ATP6V1H: variants seen among roughly 807,000 people sequenced by gnomAD.
The protein encoded by ATP6V1H is V-type proton ATPase subunit H.
A neutral mutation model predicts 71.7 loss-of-function variants in ATP6V1H; 39 were observed. The ratio of observed to expected loss-of-function variants is 0.54; its 90% CI spans 0.42 to 0.71. The LOEUF is 0.71. ATP6V1H is among the 30% of genes least tolerant of loss of function. ATP6V1H has a pLI of 0.00. For missense variants in ATP6V1H, 509 were observed against 594.9 expected, an observed-to-expected ratio of 0.86 and a Z score of 1.50; for synonymous variants, 192 against 199.3, an observed-to-expected ratio of 0.96 and a Z score of 0.31.
rs199750398 is a variant in ATP6V1H, at chr8:53,806,258, TA to T, written c.580-4363del. Reference sequence around the variant, plus strand: ...ATAATATCTCTACCACTGGGAAAAATAAAAAAAAACTGTCATGACACTGAAA... The same window carrying T: ...ATAATATCTCTACCACTGGGAAAAATAAAAAAAACTGTCATGACACTGAAA... On this transcript the variant is annotated intron_variant, in intron 7 of 13. Transcript: ENST00000359530. 3.0e-3 allele frequency among the ~76,000 whole-genome samples: 458 copies of T among 150,224 alleles called. 5 individuals are homozygous for T. The highest frequency in any genetic ancestry group is 0.014 in the Middle Eastern group (4 of 292).
intron 7 of ATP6V1H, among the ~76,000 whole-genome samples, chr8:53,810,846 A>G (rs59122208): frequency 0.056 from 8,578 of 152,268 alleles, 712 homozygotes; most frequent in African/African-American, 0.18. Context: ...AGATAACTGA[A>G]GTTTAAAGAG....
intron 13 of ATP6V1H, among the ~76,000 whole-genome samples, chr8:53,727,457 G>C (rs1322199912): frequency 1.3e-5 from 2 of 152,124 alleles, no homozygotes; most frequent in Admixed American, 6.5e-5. Flanking sequence ...CTCCTCTTCT[G>C]TCAGCCCATT....
At chr8:53,781,894 G>A (rs1461136650) in intron 9 of ATP6V1H, among the ~76,000 whole-genome samples, 1 of 151,402 alleles carries the variant, frequency 6.6e-6, no homozygotes, top group Non-Finnish European at 1.5e-5. Context: ...TGTTCCATTG[G>A]TTTATATCTC....
chr8:53,778,144 A>G (rs1292479675), intron 9 of ATP6V1H, among the ~76,000 whole-genome samples: 3 of 152,174 alleles, frequency 2.0e-5, no homozygotes, highest in Non-Finnish European at 4.4e-5. Flanking sequence ...GAAATAAAAT[A>G]GTGCAAAAAC....
chr8:53,787,125 T>TCACTG (rs1314773894), intron 9 of ATP6V1H, among the ~76,000 whole-genome samples: 2 of 152,232 alleles, frequency 1.3e-5, no homozygotes, highest in South Asian at 2.1e-4. Context: ...AACAAACAGT[T>TCACTG]CACTGCACTG....
At chr8:53,769,209 T>C (rs2130309727) in intron 11 of ATP6V1H, among the ~76,000 whole-genome samples, 1 of 152,238 alleles carries the variant, frequency 6.6e-6, no homozygotes, top group South Asian at 2.1e-4. Context: ...AAAAACTTCT[T>C]AACCAGGACA....
chr8:53,767,551 A>G (rs760011076), intron 11 of ATP6V1H, among the ~76,000 whole-genome samples: 9 of 152,218 alleles, frequency 5.9e-5, no homozygotes, highest in Non-Finnish European at 1.2e-4. Context: ...AAAAGGTATA[A>G]GAGTCATACT....
intron 4 of ATP6V1H, among the ~76,000 whole-genome samples, chr8:53,820,015 A>T (rs1452491282): frequency 1.3e-5 from 2 of 151,950 alleles, no homozygotes; most frequent in Non-Finnish European, 2.9e-5. Context: ...AATTAACCAT[A>T]ATAAAAGAAA....
chr8:53,804,726 C>A (rs765486581), intron 7 of ATP6V1H, among the ~76,000 whole-genome samples: 3 of 152,194 alleles, frequency 2.0e-5, no homozygotes, highest in African/African-American at 7.2e-5. Flanking sequence ...AGTCAACTCT[C>A]TTCATGCTTG....
chr8:53,743,467 ATAAC>A (rs1807487748), intron 13 of ATP6V1H, 106 bp downstream of exon 13: 6 of 786,718 alleles, frequency 7.6e-6, no homozygotes, highest in South Asian at 1.6e-5. Flanking sequence ...TTGAATCAAA[ATAAC>A]TAATTTTAAA....
At chr8:53,757,770 C>T (rs1808126142) in intron 11 of ATP6V1H, among the ~76,000 whole-genome samples, 1 of 152,204 alleles carries the variant, frequency 6.6e-6, no homozygotes, top group Non-Finnish European at 1.5e-5. Context: ...AGGCAGTACT[C>T]TCCCCACCAT....
chr8:53,794,025 G>C (rs1809649923), intron 9 of ATP6V1H, among the ~76,000 whole-genome samples: 1 of 152,062 alleles, frequency 6.6e-6, no homozygotes, highest in Admixed American at 6.6e-5. Flanking sequence ...ATTCATCAAA[G>C]TGGGCAAACA....
At chr8:53,719,743 C>T (rs926024783) in intron 13 of ATP6V1H, among the ~76,000 whole-genome samples, 1 of 152,168 alleles carries the variant, frequency 6.6e-6, no homozygotes, top group African/African-American at 2.4e-5. Context: ...CTCCCTTTTA[C>T]AAAAGAGGAA....
At chr8:53,787,213 C>T (rs559328989) in intron 9 of ATP6V1H, among the ~76,000 whole-genome samples, 1 of 152,272 alleles carries the variant, frequency 6.6e-6, no homozygotes, top group African/African-American at 2.4e-5. Flanking sequence ...CTCAGTCTTA[C>T]CAGACCTCAT....
chr8:53,731,832 T>TG (rs1046454672), intron 13 of ATP6V1H, among the ~76,000 whole-genome samples: 1 of 152,218 alleles, frequency 6.6e-6, no homozygotes, highest in Non-Finnish European at 1.5e-5. Context: ...GGAGCATCCC[T>TG]GGGGGGGACT....
chr8:53,790,627 A>T (rs763857949), intron 9 of ATP6V1H, among the ~76,000 whole-genome samples: 11 of 152,250 alleles, frequency 7.2e-5, no homozygotes, highest in Non-Finnish European at 1.2e-4. Flanking sequence ...CCTGGAGGCC[A>T]GCCCAAGAGC....
intron 13 of ATP6V1H, among the ~76,000 whole-genome samples, chr8:53,737,955 C>T (rs928074003): frequency 2.0e-5 from 3 of 152,018 alleles, no homozygotes; most frequent in African/African-American, 7.3e-5. Flanking sequence ...AACATTTTTT[C>T]CCCCATCATG....
intron 13 of ATP6V1H, among the ~76,000 whole-genome samples, chr8:53,734,589 G>A (rs1164298665): frequency 6.6e-6 from 1 of 152,184 alleles, no homozygotes; most frequent in Non-Finnish European, 1.5e-5. Flanking sequence ...AAAAAGGCTT[G>A]TTAAACTCCA....
intron 7 of ATP6V1H, chr8:53,806,829 A>C: frequency 2.2e-6 from 1 of 454,952 alleles, no homozygotes; most frequent in South Asian, 1.6e-5. Context: ...TCAAGTGTTG[A>C]ACAGCTCGTG....
Sources: allele counts gnomAD v4.1 joint callset (sites outside exome capture counted in the v4.1 genomes callset), GRCh38; gene constraint gnomAD v4.1.1; transcripts MANE v1.5; gene names NCBI Gene and HGNC (gene_info 2026-07-23, HGNC 2026-07-21).